OXNAD1: variants seen among roughly 807,000 people sequenced by gnomAD.
OXNAD1 encodes the protein oxidoreductase NAD-binding domain-containing protein 1.
Under a neutral mutation model 32.9 loss-of-function variants are expected in OXNAD1, and 34 were observed. That is an observed-to-expected ratio of 1.03 (90% CI 0.79 to 1.38). OXNAD1 has a LOEUF of 1.38. Among genes scored for constraint, OXNAD1 ranks in the 40% most tolerant of loss-of-function variants. The pLI is 0.00. For synonymous variants in OXNAD1, 134 were observed against 135.2 expected (o/e 0.99, Z 0.06); for missense variants, 407 against 379.4 (o/e 1.07, Z -0.60).
chr3:16,313,058 T>G (rs114127692), intron 9 of OXNAD1, among the ~76,000 whole-genome samples: 1 of 148,298 alleles, frequency 6.7e-6, no homozygotes, highest in African/African-American at 2.6e-5. Flanking sequence ...CATCTTTTTT[T>G]TTTTTTTGAC....
Position 16,312,080 on chromosome 3 carries a change from C to G in OXNAD1, c.*30+8488C>G, listed in dbSNP as rs77623066. ...CACCAGCCAGGTTCAGAGAGCCATT[C>G]ATCTGCAGCCAGGGTTCATTTTCTT... On this transcript the variant is annotated intron_variant, in intron 9 of 9. Coordinates refer to the OXNAD1 transcript ENST00000435829. The surrounding 1 kb of genome is among the most constrained non-coding windows in gnomAD (Gnocchi z 4.7). Among the ~76,000 whole-genome samples, 4,318 of 152,298 alleles carry G rather than the reference C, an allele frequency of 0.028. 203 individuals carry two copies. Among genetic ancestry groups the G allele is most frequent in the African/African-American group, 0.097 (4,037 of 41,548 alleles).
At chr3:16,313,773 T>TA (rs772859652) in intron 9 of OXNAD1, 5 of 152,116 alleles carry the variant, frequency 3.3e-5, no homozygotes, top group Non-Finnish European at 7.4e-5. Flanking sequence ...GCTGGGCTTT[T>TA]CCACTACACC....
In OXNAD1 at chr3:16,301,893, A is replaced by C; in HGVS notation, c.675+25A>C. 6.2e-7 allele frequency: 1 copy of C among 1,607,380 alleles called. No individual in the cohort carries two copies. Among genetic ancestry groups the C allele is most frequent in the Non-Finnish European group, 8.5e-7 (1 of 1,175,626 alleles). On this transcript the variant is annotated intron_variant, in intron 7 of 8. Coordinates refer to ENST00000285083, the MANE Select transcript of OXNAD1 (RefSeq NM_138381.5). This position sits in a 1 kb window ranked among gnomAD's most constrained non-coding sequence, Gnocchi z 4.1. Reference sequence around the variant, plus strand: ...GGTAAGGGAGGTATAGCTTGCTGTAAGCAAACTTGTGTAGTGGTATTAATT... The same window carrying C: ...GGTAAGGGAGGTATAGCTTGCTGTACGCAAACTTGTGTAGTGGTATTAATT...
intron 1 of OXNAD1, among the ~76,000 whole-genome samples, chr3:16,266,085 C>G (rs552852550): frequency 1.3e-5 from 2 of 152,102 alleles, no homozygotes; most frequent in Non-Finnish European, 2.9e-5. Flanking sequence ...AAAGCACTTT[C>G]GAGAGAAGAT....
chr3:16,313,610 A>G (rs1040366785), intron 9 of OXNAD1: 1 of 152,178 alleles, frequency 6.6e-6, no homozygotes, highest in African/African-American at 2.4e-5. Flanking sequence ...CATCTTATTA[A>G]TCCTCACAAA....
chr3:16,306,143 C>G (rs935491944), downstream of OXNAD1: 1 of 152,200 alleles, frequency 6.6e-6, no homozygotes, highest in African/African-American at 2.4e-5. Context: ...AAGACCCTTT[C>G]CCAGCCTACT....
intron 9 of OXNAD1, chr3:16,326,997 T>A: frequency 3.0e-6 from 2 of 676,182 alleles, no homozygotes; most frequent in Non-Finnish European, 5.0e-6. Context: ...GCCCGGCCAC[T>A]CAGAGGCTCC....
downstream of OXNAD1, among the ~76,000 whole-genome samples, chr3:16,310,972 A>G (rs2067933589): frequency 6.8e-6 from 1 of 145,990 alleles, no homozygotes; most frequent in African/African-American, 2.6e-5. Flanking sequence ...CCTGGGCAAC[A>G]AGAGCGAAAC....
chr3:16,310,357 A>C (rs551214897), downstream of OXNAD1, among the ~76,000 whole-genome samples: 1 of 152,302 alleles, frequency 6.6e-6, no homozygotes, highest in Admixed American at 6.5e-5. Context: ...AGGTTCATGA[A>C]ATCAGAGGTC....
chr3:16,276,229 G>T, intron 4 of OXNAD1: 1 of 242,766 alleles, frequency 4.1e-6, no homozygotes, highest in Non-Finnish European at 8.1e-6. Context: ...CGTGTTCAGG[G>T]AGCACATCTG....
chr3:16,336,936 C>T lies in OXNAD1; in HGVS notation c.*31-176C>T, dbSNP rs1240534664. On this transcript the variant is annotated intron_variant, in intron 9 of 9. Coordinates refer to the OXNAD1 transcript ENST00000435829. This position sits in a 1 kb window ranked among gnomAD's most constrained non-coding sequence, Gnocchi z 6.0. ...TATTATGACTTCCCTGTGTCCAGGC[C>T]ACTTTCCAACACAGCTCGGCAGCTC... Among the ~76,000 whole-genome samples the T allele has an allele frequency of 6.6e-6, 1 of 152,168 alleles. No homozygotes were observed. Among genetic ancestry groups the T allele is most frequent in the African/African-American group, 2.4e-5 (1 of 41,438 alleles).
chr3:16,347,447 G>T (rs1054333226), intron 9 of OXNAD1: 5 of 152,240 alleles, frequency 3.3e-5, no homozygotes, highest in African/African-American at 1.2e-4. Flanking sequence ...GGAGGCTAGG[G>T]GGAGAATCCG....
intron 4 of OXNAD1, among the ~76,000 whole-genome samples, chr3:16,273,736 G>C (rs1195491123): frequency 6.6e-6 from 1 of 152,026 alleles, no homozygotes; most frequent in Non-Finnish European, 1.5e-5. Context: ...GGACTAATAG[G>C]AACTTGCACA....
intron 9 of OXNAD1, among the ~76,000 whole-genome samples, chr3:16,315,164 G>A (rs1447077291): frequency 1.3e-5 from 2 of 152,172 alleles, no homozygotes; most frequent in African/African-American, 2.4e-5. Context: ...TGCCCAGACT[G>A]GAGTGCAGTG....
chr3:16,310,188 C>G (rs1226020089), downstream of OXNAD1, among the ~76,000 whole-genome samples: 1 of 152,154 alleles, frequency 6.6e-6, no homozygotes, highest in African/African-American at 2.4e-5. Flanking sequence ...ATTGATAGTT[C>G]CCCAGGTTCA....
chr3:16,292,634 A>G (rs1290594316), intron 5 of OXNAD1, among the ~76,000 whole-genome samples: 1 of 152,100 alleles, frequency 6.6e-6, no homozygotes, highest in East Asian at 1.9e-4. Flanking sequence ...CCTGTGTTTT[A>G]TTCTAAGAGT....
At chr3:16,343,537 GC>G (rs757584823) in intron 9 of OXNAD1, among the ~76,000 whole-genome samples, 3 of 152,154 alleles carry the variant, frequency 2.0e-5, no homozygotes, top group East Asian at 3.9e-4. Context: ...CCTAGAGTCT[GC>G]TGATGTTTCT....
intron 5 of OXNAD1, among the ~76,000 whole-genome samples, chr3:16,292,771 A>T (rs951141753): frequency 5.3e-5 from 8 of 152,218 alleles, no homozygotes; most frequent in Non-Finnish European, 1.0e-4. Flanking sequence ...GCCACTGTTG[A>T]GTAGACTGTT....
intron 4 of OXNAD1, among the ~76,000 whole-genome samples, chr3:16,279,499 TGA>T (rs1400801951): frequency 6.6e-6 from 1 of 151,790 alleles, no homozygotes; most frequent in Non-Finnish European, 1.5e-5. Flanking sequence ...ACATGTGAGA[TGA>T]GAGTTTAACT....
Sources: allele counts gnomAD v4.1 joint callset (sites outside exome capture counted in the v4.1 genomes callset), GRCh38; gene constraint gnomAD v4.1.1; non-coding constraint Gnocchi (gnomAD v3.1); transcripts MANE v1.5; gene names NCBI Gene and HGNC (gene_info 2026-07-23, HGNC 2026-07-21).